SLC14A2: variants seen among roughly 807,000 people sequenced by gnomAD.
SLC14A2 encodes solute carrier family 14 member 2, also known as urea transporter 2.
A neutral mutation model predicts 104.6 loss-of-function variants in SLC14A2; 91 were observed. The observed-to-expected ratio is 0.87, with a 90% CI of 0.73 to 1.04. The LOEUF is 1.04. SLC14A2 is among the 50% of genes least tolerant of loss of function. The probability of loss-of-function intolerance (pLI) is 0.00; values close to 1 mark genes in which losing one functional copy is unlikely to be tolerated. For synonymous variants in SLC14A2, 476 were observed against 466.4 expected (o/e 1.02, Z -0.27); for missense variants, 1,189 against 1,156.0 (o/e 1.03, Z -0.41).
At chr18:45,617,134 G>A (rs1024268542) in intron 1 of SLC14A2, among the ~76,000 whole-genome samples, 37 of 152,204 alleles carry the variant, frequency 2.4e-4, no homozygotes, top group African/African-American at 7.0e-4. Flanking sequence ...AGGGTGTGAC[G>A]ATCTCCTATG....
intron 2 of SLC14A2, among the ~76,000 whole-genome samples, chr18:45,505,382 G>A (rs985647313): frequency 4.6e-5 from 7 of 152,164 alleles, no homozygotes; most frequent in South Asian, 2.1e-4. Flanking sequence ...CTTTCATAAC[G>A]ACGTTGAAGA....
chr18:45,459,778 A>C (rs2087010343), intron 1 of SLC14A2, among the ~76,000 whole-genome samples: 1 of 152,174 alleles, frequency 6.6e-6, no homozygotes, highest in South Asian at 2.1e-4. Flanking sequence ...GGCTTCGATC[A>C]TGCCTTTGAG....
intron 2 of SLC14A2, among the ~76,000 whole-genome samples, chr18:45,580,174 T>C (rs2044469315): frequency 1.3e-5 from 2 of 152,070 alleles, no homozygotes; most frequent in African/African-American, 2.4e-5. Flanking sequence ...GTGTAGGAAA[T>C]GAGACAAAGT....
chr18:45,250,755 C>CTTTTTTTTTTTTTTTTTTTT (rs67864793), intron 1 of SLC14A2, among the ~76,000 whole-genome samples: 15 of 93,888 alleles, frequency 1.6e-4, no homozygotes, highest in African/African-American at 5.2e-4. Context: ...TGGCTTCTTC[C>CTTTTTTTTTTTTTTTTTTTT]TTTTTTTTTT....
At chr18:45,208,391 T>A (rs1338915145), upstream of SLC14A2, among the ~76,000 whole-genome samples, 1 of 152,154 alleles carries the variant, frequency 6.6e-6, no homozygotes, top group Non-Finnish European at 1.5e-5. Flanking sequence ...GGACGTTCAT[T>A]TCTGAGAGAC....
intron 10 of SLC14A2, among the ~76,000 whole-genome samples, chr18:45,654,582 G>T (rs950372038): frequency 1.3e-5 from 2 of 152,184 alleles, no homozygotes; most frequent in Non-Finnish European, 2.9e-5. Flanking sequence ...TGCATCTGGG[G>T]AAGACAGTCC....
At chr18:45,363,409 G>A (rs1003351344) in intron 1 of SLC14A2, among the ~76,000 whole-genome samples, 2 of 152,166 alleles carry the variant, frequency 1.3e-5, no homozygotes, top group African/African-American at 4.8e-5. Flanking sequence ...GTCTGTGAAA[G>A]GAGGGAGATC....
At chr18:45,197,708 C>T in the SLC14A2 span, among the ~76,000 whole-genome samples, 4 of 152,180 alleles carry the variant, frequency 2.6e-5, no homozygotes, top group Non-Finnish European at 5.9e-5. Context: ...GAATTGAGTG[C>T]GTCATTTCCC....
intron 1 of SLC14A2, chr18:45,424,200 G>T (rs2086390150): frequency 6.6e-6 from 1 of 152,170 alleles, no homozygotes; most frequent in Admixed American, 6.5e-5. Flanking sequence ...TAAAAGGCCT[G>T]GGATCACAGA....
At chr18:45,201,198 T>C in the SLC14A2 span, among the ~76,000 whole-genome samples, 1 of 152,066 alleles carries the variant, frequency 6.6e-6, no homozygotes, top group Non-Finnish European at 1.5e-5. Context: ...GGTGATATCA[T>C]TTGTGATGTC....
At chr18:45,655,674 A>G (rs2045824208) in intron 10 of SLC14A2, among the ~76,000 whole-genome samples, 1 of 152,242 alleles carries the variant, frequency 6.6e-6, no homozygotes, top group Non-Finnish European at 1.5e-5. Context: ...ATAGAAGAGC[A>G]TGTGGAGAAA....
intron 2 of SLC14A2, among the ~76,000 whole-genome samples, chr18:45,583,154 C>T (rs1163429050): frequency 6.6e-6 from 1 of 152,204 alleles, no homozygotes; most frequent in Non-Finnish European, 1.5e-5. Flanking sequence ...CAGCTTTCTT[C>T]CTTGTGCTCT....
intron 1 of SLC14A2, among the ~76,000 whole-genome samples, chr18:45,294,926 T>C (rs934972093): frequency 7.2e-5 from 11 of 152,250 alleles, no homozygotes; most frequent in African/African-American, 2.7e-4. Context: ...GAAATATGTA[T>C]ATTTGTTTTT....
intron 1 of SLC14A2, among the ~76,000 whole-genome samples, chr18:45,213,733 C>G (rs555266953): frequency 2.6e-5 from 4 of 152,084 alleles, no homozygotes; most frequent in Non-Finnish European, 5.9e-5. Context: ...CAGTCAAATC[C>G]TTATCAATGT....
intron 1 of SLC14A2, among the ~76,000 whole-genome samples, chr18:45,226,123 C>T (rs112961674): frequency 0.11 from 17,188 of 152,144 alleles, 991 homozygotes; most frequent in Non-Finnish European, 0.12. Flanking sequence ...AATGAGATAC[C>T]ATCTCACACC....
Position 45,677,376 on chromosome 18 carries a change from G to T in SLC14A2, c.2513-1599G>T, listed in dbSNP as rs193247363. On this transcript the variant is annotated intron_variant, in intron 18 of 19. Transcript: ENST00000255226. Reference sequence around the variant, plus strand: ...CAGGCCATCTGGCTCCCCTCTATTCGGGGGCCTTGGTAGTGCTTGGTTTGC... The same window carrying T: ...CAGGCCATCTGGCTCCCCTCTATTCTGGGGCCTTGGTAGTGCTTGGTTTGC... Among the ~76,000 whole-genome samples, 334 of 152,214 alleles carry T rather than the reference G, an allele frequency of 2.2e-3. 1 individual carries two copies. The Middle Eastern group carries it at 0.027, about 12-fold the overall frequency.
chr18:45,417,719 C>T (rs1360516391), intron 1 of SLC14A2, among the ~76,000 whole-genome samples: 8 of 152,068 alleles, frequency 5.3e-5, no homozygotes, highest in Admixed American at 6.6e-5. Flanking sequence ...CTTTTATCAT[C>T]GTTATTGTTG....
At chr18:45,385,658 A>G (rs2085887498) in intron 1 of SLC14A2, among the ~76,000 whole-genome samples, 1 of 152,218 alleles carries the variant, frequency 6.6e-6, no homozygotes, top group South Asian at 2.1e-4. Flanking sequence ...TCTGCAAATG[A>G]AAGAACTGAG....
chr18:45,474,071 G>A (rs2705386), intron 1 of SLC14A2, among the ~76,000 whole-genome samples: 31,897 of 151,966 alleles, frequency 0.21, 3,750 homozygotes, highest in Non-Finnish European at 0.27. Flanking sequence ...TAGTTTATTG[G>A]GAGTTTTTAG....
Sources: gnomAD v4.1 joint callset for allele counts (sites outside exome capture counted in the v4.1 genomes callset) on GRCh38, gnomAD v4.1.1 for gene constraint, MANE v1.5 for transcripts, NCBI Gene and HGNC (gene_info 2026-07-23, HGNC 2026-07-21) for gene names.